Variants in SEMA3E observed in about 807,000 individuals in gnomAD.
SEMA3E encodes semaphorin 3E.
In SEMA3E, 49 loss-of-function variants were observed where a neutral mutation model predicts 93.6. That is an observed-to-expected ratio of 0.52 (90% CI 0.42 to 0.66). SEMA3E has a LOEUF of 0.66. Among genes scored for constraint, SEMA3E ranks in the 30% least tolerant of loss-of-function variants. SEMA3E has a pLI of 0.00. For synonymous variants in SEMA3E, 363 were observed against 330.7 expected (o/e 1.10, Z -1.06); for missense variants, 906 against 964.8 (o/e 0.94, Z 0.81).
At chr7:83,491,354 G>GT (rs1196751930) in intron 1 of SEMA3E, among the ~76,000 whole-genome samples, 1 of 150,086 alleles carries the variant, frequency 6.7e-6, no homozygotes, top group Non-Finnish European at 1.5e-5. Context: ...TAAATCTTTA[G>GT]TTTAAAATGA....
At chr7:83,509,275 A>T (rs1790764684) in intron 1 of SEMA3E, among the ~76,000 whole-genome samples, 1 of 152,200 alleles carries the variant, frequency 6.6e-6, no homozygotes, top group African/African-American at 2.4e-5. Flanking sequence ...GGATAATATT[A>T]GGTGAGGGCT....
At chr7:83,443,665 A>G (rs1360582821) in intron 4 of SEMA3E, among the ~76,000 whole-genome samples, 1 of 152,194 alleles carries the variant, frequency 6.6e-6, no homozygotes, top group African/African-American at 2.4e-5. Flanking sequence ...TGGAAAGATC[A>G]TCATATATAT....
At chr7:83,470,898 A>G (rs1284498182) in intron 2 of SEMA3E, among the ~76,000 whole-genome samples, 1 of 149,938 alleles carries the variant, frequency 6.7e-6, no homozygotes, top group African/African-American at 2.5e-5. Flanking sequence ...AGTGGAAAAC[A>G]TGTTTATTAA....
At chr7:83,471,039 T>C (rs550578852) in intron 2 of SEMA3E, among the ~76,000 whole-genome samples, 21 of 151,984 alleles carry the variant, frequency 1.4e-4, no homozygotes, top group African/African-American at 3.9e-4. Flanking sequence ...CAATACATCA[T>C]TAGTTCTGTT....
rs188031278 is a variant in SEMA3E at position 83,410,342 on chromosome 7, G to A, written c.551-1855C>T. On this transcript the variant is annotated intron_variant, in intron 5 of 16. Coordinates refer to ENST00000643230, the MANE Select transcript of SEMA3E (RefSeq NM_012431.3). The stretch of plus-strand genomic sequence containing the variant: ...ATTTGAAAATTTTCAAGATCACAGA[G>A]TTTTTAAAAAGATATATTTGTTGAG... 4.1e-4 allele frequency among the ~76,000 whole-genome samples: 63 copies of A among 152,046 alleles called. 2 individuals are homozygous for A. Among genetic ancestry groups the A allele is most frequent in the Admixed American group, 3.7e-3 (57 of 15,264 alleles).
chr7:83,379,643 C>T (rs900503993), intron 16 of SEMA3E, among the ~76,000 whole-genome samples: 4 of 151,758 alleles, frequency 2.6e-5, no homozygotes, highest in African/African-American at 9.7e-5. Context: ...GTAAGCTATA[C>T]TAGAGGAGGC....
At chr7:83,631,464 C>G (rs572718798) in intron 1 of SEMA3E, among the ~76,000 whole-genome samples, 1 of 151,110 alleles carries the variant, frequency 6.6e-6, no homozygotes, top group Non-Finnish European at 1.5e-5. Flanking sequence ...AAAAGAAAAA[C>G]AAAACGACTT....
intron 1 of SEMA3E, among the ~76,000 whole-genome samples, chr7:83,502,382 A>T (rs1293759203): frequency 6.6e-6 from 1 of 152,076 alleles, no homozygotes; most frequent in Non-Finnish European, 1.5e-5. Flanking sequence ...AAAGTCTGTC[A>T]TTACCTCTTG....
rs1167695019 is a variant in SEMA3E at position 83,439,936 on chromosome 7, G to C, written c.457-21453C>G. 2.6e-5 allele frequency among the ~76,000 whole-genome samples: 4 copies of C among 152,196 alleles called. No individual in the cohort carries two copies. The East Asian group carries it at 7.7e-4, about 29-fold the overall frequency. On this transcript the variant is annotated intron_variant, in intron 4 of 16. Transcript: ENST00000643230. ...CTTCACTGGAACCACATGATCAGTG[G>C]TAAAAGAATGTAGAATAAACACAGT... is the stretch of plus-strand genomic sequence containing the variant.
chr7:83,552,019 G>A (rs1355440282), intron 1 of SEMA3E, among the ~76,000 whole-genome samples: 1 of 152,084 alleles, frequency 6.6e-6, no homozygotes, highest in Non-Finnish European at 1.5e-5. Flanking sequence ...CATGAAAAAT[G>A]ACTCAAAAGT....
chr7:83,537,357 C>A (rs1317261880), intron 1 of SEMA3E, among the ~76,000 whole-genome samples: 8 of 152,116 alleles, frequency 5.3e-5, no homozygotes, highest in Admixed American at 5.2e-4. Flanking sequence ...TCTTCCCCTC[C>A]AATTCACAAT....
rs192843483 is a variant in SEMA3E, at chr7:83,588,542, A to G, written c.115+59886T>C. ...AGTTAATGTGAAGAATCTCCAGTGT[A>G]TAATTAGAATATTAAAGCAATGCCA... is the stretch of plus-strand genomic sequence containing the variant. On this transcript the variant is annotated intron_variant, in intron 1 of 16. Transcript: ENST00000643230. Among the ~76,000 whole-genome samples the G allele has an allele frequency of 7.5e-4, 114 of 152,312 alleles. 1 individual carries two copies. The Middle Eastern group carries it at 0.01, about 14-fold the overall frequency.
At chr7:83,629,219 G>T (rs1793736954) in intron 1 of SEMA3E, among the ~76,000 whole-genome samples, 1 of 152,166 alleles carries the variant, frequency 6.6e-6, no homozygotes, top group Admixed American at 6.5e-5. Context: ...GCTAGCCGGA[G>T]CTCTCCCGTA....
intron 1 of SEMA3E, among the ~76,000 whole-genome samples, chr7:83,570,240 A>G (rs932812717): frequency 6.6e-6 from 1 of 152,174 alleles, no homozygotes; most frequent in African/African-American, 2.4e-5. Context: ...AAGAAAGTTC[A>G]TAGTGCAAAA....
At chr7:83,502,858 A>G (rs963718726) in intron 1 of SEMA3E, among the ~76,000 whole-genome samples, 1 of 152,194 alleles carries the variant, frequency 6.6e-6, no homozygotes. Context: ...CGTAAGCACT[A>G]GATAACAATA....
chr7:83,519,044 A>G (rs1391985105), intron 1 of SEMA3E, among the ~76,000 whole-genome samples: 1 of 151,968 alleles, frequency 6.6e-6, no homozygotes, highest in Non-Finnish European at 1.5e-5. Context: ...ATATGTATAC[A>G]TGTGCCATGC....
At chr7:83,614,599 T>G (rs140067423) in intron 1 of SEMA3E, among the ~76,000 whole-genome samples, 167 of 152,224 alleles carry the variant, frequency 1.1e-3, no homozygotes, top group African/African-American at 3.8e-3. Context: ...AACAACAGAC[T>G]TTTATTTCTA....
At chr7:83,461,136 G>T (rs200643504) in intron 4 of SEMA3E, among the ~76,000 whole-genome samples, 1 of 152,034 alleles carries the variant, frequency 6.6e-6, no homozygotes, top group East Asian at 1.9e-4. Context: ...AATTCTTGTC[G>T]TAAAATAGGC....
intron 1 of SEMA3E, among the ~76,000 whole-genome samples, chr7:83,612,365 C>T (rs537439743): frequency 5.7e-4 from 86 of 152,120 alleles, no homozygotes; most frequent in Middle Eastern, 3.4e-3. Flanking sequence ...CTCATGCTCT[C>T]AGTAAATACA....
Sources: gnomAD v4.1 joint callset for allele counts (sites outside exome capture counted in the v4.1 genomes callset) on GRCh38, gnomAD v4.1.1 for gene constraint, MANE v1.5 for transcripts, NCBI Gene and HGNC (gene_info 2026-07-23, HGNC 2026-07-21) for gene names.